The following CSMD1 variants were observed in gnomAD, a reference collection of about 807,000 sequenced individuals.
CSMD1 encodes the protein CUB and sushi domain-containing protein 1.
In CSMD1, 213 loss-of-function variants were observed where a neutral mutation model predicts 417.5. The ratio of observed to expected loss-of-function variants is 0.51; its 90% confidence interval spans 0.46 to 0.57. CSMD1 has a LOEUF of 0.57. Ranked by LOEUF, CSMD1 falls within the 20% of genes least tolerant of loss-of-function variation. The probability of loss-of-function intolerance (pLI) is 0.00; values close to 1 mark genes in which losing one functional copy is unlikely to be tolerated. For synonymous variants in CSMD1, 2,862 were observed against 1,736.8 expected, an observed-to-expected ratio of 1.65 and a Z score of -16.11; for missense variants, 6,923 against 4,529.7, an observed-to-expected ratio of 1.53 and a Z score of -15.17.
chr8:4,852,143 G>A (rs190008822), intron 1 of CSMD1, among the ~76,000 whole-genome samples: 69 of 152,214 alleles, frequency 4.5e-4, no homozygotes, highest in African/African-American at 1.6e-3. Flanking sequence ...CACCATATAT[G>A]TTTGTTTACT....
chr8:4,671,690 T>C (rs1334460618), intron 1 of CSMD1, among the ~76,000 whole-genome samples: 2 of 152,206 alleles, frequency 1.3e-5, no homozygotes, highest in Admixed American at 6.5e-5. Flanking sequence ...AGATTTATTT[T>C]TTCTTACCTC....
chr8:4,913,183 T>C lies in CSMD1; in HGVS notation c.85+81149A>G, dbSNP rs73507938. Among the ~76,000 whole-genome samples the C allele has an allele frequency of 3.1e-3, 471 of 152,270 alleles. 3 individuals are homozygous for C. The highest frequency in any genetic ancestry group is 0.01 in the African/African-American group (434 of 41,546). On this transcript the variant is annotated intron_variant, in intron 1 of 69. Coordinates refer to ENST00000635120, the MANE Select transcript of CSMD1 (RefSeq NM_033225.6). The stretch of plus-strand genomic sequence containing the variant: ...CACAGGACAGTGGGTCTTGCAAAGA[T>C]TAGGTTGGTGCAAACCTAGTAGCGT...
chr8:4,629,118 A>G (rs1563348981), intron 2 of CSMD1, among the ~76,000 whole-genome samples: 1 of 152,210 alleles, frequency 6.6e-6, no homozygotes, highest in Admixed American at 6.5e-5. Context: ...AACATTATCA[A>G]AATGAAACAA....
intron 54 of CSMD1, among the ~76,000 whole-genome samples, chr8:2,995,248 C>T (rs1806781424): frequency 6.6e-6 from 1 of 152,172 alleles, no homozygotes; most frequent in Non-Finnish European, 1.5e-5. Flanking sequence ...AAGGCATGAA[C>T]AGACATTTCA....
chr8:4,052,991 G>C (rs1372282085), intron 3 of CSMD1, among the ~76,000 whole-genome samples: 1 of 152,160 alleles, frequency 6.6e-6, no homozygotes, highest in Non-Finnish European at 1.5e-5. Flanking sequence ...CTTACTCTCA[G>C]CTAAAGAAGT....
intron 3 of CSMD1, among the ~76,000 whole-genome samples, chr8:4,163,942 T>G (rs1797309428): frequency 6.6e-6 from 1 of 152,184 alleles, no homozygotes; most frequent in Non-Finnish European, 1.5e-5. Flanking sequence ...TATATAAGTT[T>G]TCCAGGCTTC....
chr8:3,446,443 T>C (rs528983893), intron 12 of CSMD1, among the ~76,000 whole-genome samples: 28 of 152,250 alleles, frequency 1.8e-4, no homozygotes, highest in Non-Finnish European at 4.1e-4. Context: ...AACTCAGTTA[T>C]GATTCCTACT....
intron 5 of CSMD1, among the ~76,000 whole-genome samples, chr8:3,757,868 C>CAAACA (rs1195409136): frequency 4.0e-5 from 6 of 150,308 alleles, no homozygotes; most frequent in African/African-American, 1.5e-4. Context: ...AACAAACAAA[C>CAAACA]AAAAAAAACC....
chr8:3,919,905 T>G (rs959967268), intron 5 of CSMD1, among the ~76,000 whole-genome samples: 1 of 152,184 alleles, frequency 6.6e-6, no homozygotes, highest in South Asian at 2.1e-4. Context: ...AAAATGAGAT[T>G]TTTTTGGGAA....
At chr8:3,510,857 T>C (rs1234755709) in intron 10 of CSMD1, among the ~76,000 whole-genome samples, 1 of 151,806 alleles carries the variant, frequency 6.6e-6, no homozygotes, top group South Asian at 2.1e-4. Context: ...GATGGGGTTG[T>C]TTTTTCCTTG....
At chr8:4,354,828 G>C (rs1329847515) in intron 3 of CSMD1, among the ~76,000 whole-genome samples, 4 of 150,440 alleles carry the variant, frequency 2.7e-5, no homozygotes, top group African/African-American at 9.8e-5. Flanking sequence ...CCTGGTTTCT[G>C]AGCTCTCACT....
chr8:3,536,846 G>A (rs919877137), intron 10 of CSMD1, among the ~76,000 whole-genome samples: 4 of 152,144 alleles, frequency 2.6e-5, no homozygotes, highest in Admixed American at 1.3e-4. Flanking sequence ...CCCACGGTCC[G>A]TGTTCTGTGG....
At chr8:4,063,483 C>T (rs532260960) in intron 3 of CSMD1, among the ~76,000 whole-genome samples, 2 of 152,090 alleles carry the variant, frequency 1.3e-5, no homozygotes, top group African/African-American at 2.4e-5. Flanking sequence ...TTATATGCGT[C>T]TATTAAATAA....
At chr8:4,876,567 C>T (rs1359783900) in intron 1 of CSMD1, among the ~76,000 whole-genome samples, 3 of 152,064 alleles carry the variant, frequency 2.0e-5, no homozygotes, top group Non-Finnish European at 1.5e-5. Context: ...TTTCACCGTA[C>T]AAGGATGCTT....
intron 3 of CSMD1, among the ~76,000 whole-genome samples, chr8:4,231,284 C>T (rs1269595263): frequency 3.3e-5 from 5 of 152,166 alleles, no homozygotes; most frequent in African/African-American, 1.2e-4. Context: ...GGCAGTGATG[C>T]TAAGAAAAGC....
chr8:4,355,851 C>T (rs898849417), intron 3 of CSMD1, among the ~76,000 whole-genome samples: 3 of 152,190 alleles, frequency 2.0e-5, no homozygotes, highest in African/African-American at 4.8e-5. Flanking sequence ...AGTAGAGGAG[C>T]TTTGGAGGAT....
At chr8:3,764,473 G>A (rs1798164613) in intron 5 of CSMD1, among the ~76,000 whole-genome samples, 1 of 152,160 alleles carries the variant, frequency 6.6e-6, no homozygotes, top group Non-Finnish European at 1.5e-5. Flanking sequence ...GTGAGTAGAG[G>A]CACCCACAAT....
chr8:4,626,887 C>T (rs1802150302), intron 2 of CSMD1, among the ~76,000 whole-genome samples: 1 of 152,088 alleles, frequency 6.6e-6, no homozygotes, highest in East Asian at 1.9e-4. Context: ...GAAATACTTG[C>T]CTTTTCGATT....
intron 3 of CSMD1, among the ~76,000 whole-genome samples, chr8:4,400,363 A>G (rs991390186): frequency 1.3e-5 from 2 of 152,220 alleles, no homozygotes; most frequent in African/African-American, 4.8e-5. Context: ...AAAGCTTCCA[A>G]ATGCTTTTCA....
Sources: gnomAD v4.1 joint callset for allele counts (sites outside exome capture counted in the v4.1 genomes callset) on GRCh38, gnomAD v4.1.1 for gene constraint, MANE v1.5 for transcripts, NCBI Gene and HGNC (gene_info 2026-07-23, HGNC 2026-07-21) for gene names.